SOX6: variants seen among roughly 807,000 people sequenced by gnomAD.
SOX6 encodes SRY-box transcription factor 6.
In SOX6, 11 loss-of-function variants were observed where a neutral mutation model predicts 97.8. That is an observed-to-expected ratio of 0.11 (90% CI 0.07 to 0.19). The LOEUF is 0.19. Among genes scored for constraint, SOX6 ranks in the 10% least tolerant of loss-of-function variants. The pLI is 1.00. For missense variants in SOX6, 810 were observed against 1,039.5 expected (o/e 0.78, Z 3.04); for synonymous variants, 360 against 371.4 (o/e 0.97, Z 0.35).
In SOX6 at chr11:15,972,765, G is replaced by T. The variant is rs756030457; in HGVS notation, c.*44C>A. On this transcript the variant is annotated 3_prime_UTR_variant, in exon 16 of 16. Coordinates refer to ENST00000683767, the MANE Select transcript of SOX6 (RefSeq NM_001367873.1). ...CTTTAATAACTCTTTGTTGGGGAGG[G>T]GGGTGAAATGTCAGAGTACTTTAAT... The T allele has an allele frequency of 1.2e-6, 2 of 1,600,980 alleles. No homozygotes were observed. Among genetic ancestry groups the T allele is most frequent in the African/African-American group, 1.3e-5 (1 of 74,756 alleles).
At position 16,466,638 on chromosome 11, in the gene SOX6, C is replaced by A. The variant is rs530774079; in HGVS notation, c.-5+9677G>T. Among the ~76,000 whole-genome samples the A allele has an allele frequency of 8.3e-3, 1,234 of 149,278 alleles. 15 individuals carry two copies. The highest frequency in any genetic ancestry group is 0.028 in the African/African-American group (1,146 of 40,532). On this transcript the variant is annotated intron_variant, in intron 1 of 15. Coordinates refer to the SOX6 transcript ENST00000396356. ...AACAAAATTACAAGAAAAAAAAAAA[C>A]AAACAACTCCGGCCGGGCGCGGTGG...
At chr11:16,293,231 C>T (rs1044021462) in intron 3 of SOX6, among the ~76,000 whole-genome samples, 3 of 152,054 alleles carry the variant, frequency 2.0e-5, no homozygotes, top group Non-Finnish European at 4.4e-5. Flanking sequence ...GTTTTATCTT[C>T]CTGCCCTATC....
intron 2 of SOX6, among the ~76,000 whole-genome samples, chr11:16,339,313 T>A (rs529408405): frequency 6.6e-6 from 1 of 152,196 alleles, no homozygotes; most frequent in East Asian, 1.9e-4. Flanking sequence ...ATATAGCCCC[T>A]ACCAATCTCT....
At chr11:15,998,509 C>G (rs986165490) in intron 13 of SOX6, among the ~76,000 whole-genome samples, 2 of 142,210 alleles carry the variant, frequency 1.4e-5, no homozygotes, top group East Asian at 4.1e-4. Context: ...CCAAATTTAC[C>G]TACAGATTCA....
chr11:16,387,980 C>A, intron 1 of SOX6, among the ~76,000 whole-genome samples: 1 of 152,092 alleles, frequency 6.6e-6, no homozygotes, highest in East Asian at 1.9e-4. Context: ...AATACAATGT[C>A]AAGTAGGATG....
rs536420380 is a variant in SOX6 at position 16,536,431 on chromosome 11, G to A, written n.610-60043C>T. ...TCTGCATTTCCAACTGAAGTACCTG[G>A]TTCATCTCACTGGGACTGGTTGGAC... On this transcript the variant is annotated intron_variant and non_coding_transcript_variant, in intron 4 of 5. Coordinates refer to the SOX6 transcript ENST00000524520. Among the ~76,000 whole-genome samples the A allele has an allele frequency of 4.6e-5, 7 of 152,314 alleles. 1 individual carries two copies. The South Asian group carries it at 1.4e-3, about 32-fold the overall frequency.
rs34604334 is a variant in SOX6, at chr11:16,569,868, C to CAAAAAAAAAAAAAAAAAAAAAA, written n.609+42212_609+42213insTTTTTTTTTTTTTTTTTTTTTT. On this transcript the variant is annotated intron_variant and non_coding_transcript_variant, in intron 4 of 5. Transcript: ENST00000524520. ...TGGGTGACTGATCAAGACTCCGTCT[C>CAAAAAAAAAAAAAAAAAAAAAA]AAAAAAAAAAAAAAAAAGATATACT... is the stretch of plus-strand genomic sequence containing the variant. 6.4e-3 allele frequency among the ~76,000 whole-genome samples: 538 copies of CAAAAAAAAAAAAAAAAAAAAAA among 84,550 alleles called. 13 individuals carry two copies. Among genetic ancestry groups the CAAAAAAAAAAAAAAAAAAAAAA allele is most frequent in the East Asian group, 0.018 (42 of 2,356 alleles). 55.5% of individuals were successfully genotyped at this position (84,550 alleles called of 152,430 possible).
intron 4 of SOX6, among the ~76,000 whole-genome samples, chr11:16,566,501 G>A (rs1352751786): frequency 6.6e-6 from 1 of 152,194 alleles, no homozygotes; most frequent in African/African-American, 2.4e-5. Flanking sequence ...TTCCTGCTAA[G>A]GGAAAAGAAA....
At chr11:16,008,010 C>G (rs1052042936) in intron 13 of SOX6, among the ~76,000 whole-genome samples, 11 of 152,002 alleles carry the variant, frequency 7.2e-5, no homozygotes, top group South Asian at 2.1e-4. Context: ...TTCCAGGACC[C>G]CCTACAGATA....
intron 3 of SOX6, among the ~76,000 whole-genome samples, chr11:16,281,352 A>G (rs919923373): frequency 3.3e-5 from 5 of 152,074 alleles, no homozygotes; most frequent in African/African-American, 1.2e-4. Context: ...ATGTCAAAGA[A>G]GTTTTCGTAC....
At chr11:16,029,523 G>A (rs1293592809) in intron 12 of SOX6, among the ~76,000 whole-genome samples, 1 of 151,872 alleles carries the variant, frequency 6.6e-6, no homozygotes, top group Non-Finnish European at 1.5e-5. Context: ...GTAATCCGAG[G>A]CACTCGGGAG....
chr11:16,209,496 C>T lies in SOX6; in HGVS notation c.536-22541G>A, dbSNP rs764608769. On this transcript the variant is annotated intron_variant, in intron 4 of 15. Transcript: ENST00000683767. ...CTGGGCCCGGCAGGGTGGCTCACAC[C>T]GGTAATCCCAGCACTTTGGGAGGCC... 3.9e-5 allele frequency among the ~76,000 whole-genome samples: 6 copies of T among 152,250 alleles called. No homozygotes were observed. The East Asian group carries it at 1.2e-3, about 29-fold the overall frequency.
chr11:16,176,816 G>C (rs771656139), intron 6 of SOX6, among the ~76,000 whole-genome samples: 5 of 152,034 alleles, frequency 3.3e-5, no homozygotes, highest in Non-Finnish European at 5.9e-5. Context: ...AATGGAGAAA[G>C]GATCTGAAAT....
intron 2 of SOX6, among the ~76,000 whole-genome samples, chr11:16,726,870 G>A (rs939740414): frequency 3.9e-5 from 6 of 152,096 alleles, no homozygotes; most frequent in South Asian, 2.1e-4. Context: ...GATATTAACC[G>A]TGATAACCTC....
chr11:16,087,242 T>C (rs1182050251), intron 9 of SOX6, among the ~76,000 whole-genome samples: 2 of 152,200 alleles, frequency 1.3e-5, no homozygotes, highest in African/African-American at 2.4e-5. Context: ...TATACATATA[T>C]GTATGTATAT....
intron 1 of SOX6, among the ~76,000 whole-genome samples, chr11:16,407,428 TTC>T (rs1251790011): frequency 6.6e-6 from 1 of 152,154 alleles, no homozygotes; most frequent in Non-Finnish European, 1.5e-5. Context: ...TTTGCAAATA[TTC>T]TGTTTCTACA....
chr11:15,994,155 C>T lies in SOX6; in HGVS notation c.1733-4925G>A, dbSNP rs141630453. Among the ~76,000 whole-genome samples the T allele has an allele frequency of 2.0e-3, 306 of 152,184 alleles. 2 individuals are homozygous for T. The highest frequency in any genetic ancestry group is 7.1e-3 in the African/African-American group (294 of 41,534). Reference sequence around the variant, plus strand: ...GAGAAGACACATAAATTAAAAATTACAAACGATGCTAACAGCGGTAATTTA... The same window carrying T: ...GAGAAGACACATAAATTAAAAATTATAAACGATGCTAACAGCGGTAATTTA... On this transcript the variant is annotated intron_variant, in intron 13 of 15. Transcript: ENST00000683767.
intron 4 of SOX6, among the ~76,000 whole-genome samples, chr11:16,216,293 A>AC (rs1852370077): frequency 6.6e-6 from 1 of 152,168 alleles, no homozygotes; most frequent in Non-Finnish European, 1.5e-5. Context: ...AATTACATAA[A>AC]CCCCACATAA....
intron 12 of SOX6, among the ~76,000 whole-genome samples, chr11:16,035,777 C>T (rs936958477): frequency 6.6e-6 from 1 of 152,174 alleles, no homozygotes; most frequent in Non-Finnish European, 1.5e-5. Context: ...ATATTCCATA[C>T]TTATCTCTAT....
Sources: allele counts gnomAD v4.1 joint callset (sites outside exome capture counted in the v4.1 genomes callset), GRCh38; gene constraint gnomAD v4.1.1; transcripts MANE v1.5; gene names NCBI Gene and HGNC (gene_info 2026-07-23, HGNC 2026-07-21).